PPARGC1A: variants seen among roughly 807,000 people sequenced by gnomAD.
PPARGC1A encodes peroxisome proliferator-activated receptor gamma coactivator 1-alpha.
In PPARGC1A, 25 loss-of-function variants were observed where a neutral mutation model predicts 88.7. The ratio of observed to expected loss-of-function variants is 0.28; its 90% CI spans 0.21 to 0.39. The LOEUF (loss-of-function observed/expected upper bound fraction) is 0.39, where lower values mean the gene tolerates loss of function less well. Among genes scored for constraint, PPARGC1A ranks in the 10% least tolerant of loss-of-function variants. The probability of loss-of-function intolerance (pLI) is 1.00; values close to 1 mark genes in which losing one functional copy is unlikely to be tolerated. For missense variants in PPARGC1A, 880 were observed against 968.7 expected, an observed-to-expected ratio of 0.91 and a Z score of 1.22; for synonymous variants, 363 against 355.6, an observed-to-expected ratio of 1.02 and a Z score of -0.24.
chr4:24,099,180 T>C, the PPARGC1A span, among the ~76,000 whole-genome samples: 1 of 148,512 alleles, frequency 6.7e-6, no homozygotes, highest in Non-Finnish European at 1.5e-5. Flanking sequence ...AACTAATGAG[T>C]AGAGTGGGAA....
At chr4:24,406,239 A>G in the PPARGC1A span, among the ~76,000 whole-genome samples, 11 of 152,328 alleles carry the variant, frequency 7.2e-5, no homozygotes, top group East Asian at 1.4e-3. Context: ...TGGACACTGC[A>G]TGTGGCAGCC....
chr4:24,247,261 G>A, the PPARGC1A span, among the ~76,000 whole-genome samples: 2 of 152,054 alleles, frequency 1.3e-5, no homozygotes. Flanking sequence ...CTACAAAAGG[G>A]GAAATTGAGT....
At chr4:24,406,140 A>C in the PPARGC1A span, among the ~76,000 whole-genome samples, 42 of 152,344 alleles carry the variant, frequency 2.8e-4, no homozygotes, top group Non-Finnish European at 4.7e-4. Context: ...GCAGTGCTGC[A>C]CGTAAAATGT....
At chr4:23,954,260 T>C in the PPARGC1A span, among the ~76,000 whole-genome samples, 1 of 152,106 alleles carries the variant, frequency 6.6e-6, no homozygotes, top group Admixed American at 6.6e-5. Flanking sequence ...TCTAGCAGTT[T>C]AGTAATGCTA....
At chr4:24,439,664 A>G in the PPARGC1A span, among the ~76,000 whole-genome samples, 1 of 152,244 alleles carries the variant, frequency 6.6e-6, no homozygotes, top group Non-Finnish European at 1.5e-5. Context: ...ATTCCAAGAC[A>G]GCATTAGAAA....
At chr4:23,978,441 C>T in the PPARGC1A span, among the ~76,000 whole-genome samples, 3 of 152,256 alleles carry the variant, frequency 2.0e-5, no homozygotes, top group South Asian at 2.1e-4. Flanking sequence ...GGTGGTTTGG[C>T]AATTAAGGCG....
the PPARGC1A span, among the ~76,000 whole-genome samples, chr4:24,078,549 G>T: frequency 2.4e-3 from 365 of 152,128 alleles, 1 homozygote; most frequent in African/African-American, 8.4e-3. Context: ...TTGGTCCAGT[G>T]GGGGAAGGGA....
intron 2 of PPARGC1A, among the ~76,000 whole-genome samples, chr4:23,843,215 T>C (rs1727373894): frequency 6.6e-6 from 1 of 152,124 alleles, no homozygotes; most frequent in Non-Finnish European, 1.5e-5. Context: ...AAGGATTTTC[T>C]TCTATATATT....
At position 23,889,973 on chromosome 4, in the gene PPARGC1A, C is replaced by T; in HGVS notation, c.-16G>A. ...CCCACGCCATCCAGCTCCTGAATGA[C>T]GCCAGTCAAGCTTTTTCAACTCCAA... On this transcript the variant is annotated 5_prime_UTR_variant, in exon 1 of 13. Transcript: ENST00000264867. 1.2e-6 allele frequency: 2 copies of T among 1,613,574 alleles called. No individual in the cohort carries two copies. Among genetic ancestry groups the T allele is most frequent in the South Asian group, 2.2e-5 (2 of 91,040 alleles).
the PPARGC1A span, among the ~76,000 whole-genome samples, chr4:24,161,739 G>A: frequency 6.6e-6 from 1 of 152,150 alleles, no homozygotes; most frequent in Non-Finnish European, 1.5e-5. Flanking sequence ...CAGCAGGAAG[G>A]GGGTTGGCAG....
the PPARGC1A span, among the ~76,000 whole-genome samples, chr4:24,027,820 A>G: frequency 6.6e-6 from 1 of 152,194 alleles, no homozygotes; most frequent in Non-Finnish European, 1.5e-5. Context: ...ATTTTCTCCT[A>G]CAGGGAGTAG....
At chr4:24,125,898 C>T in the PPARGC1A span, among the ~76,000 whole-genome samples, 13 of 152,204 alleles carry the variant, frequency 8.5e-5, no homozygotes, top group Non-Finnish European at 1.9e-4. Context: ...TAAGTAAACA[C>T]CTTTCCTTGC....
chr4:23,948,923 T>A, the PPARGC1A span, among the ~76,000 whole-genome samples: 1 of 151,886 alleles, frequency 6.6e-6, no homozygotes, highest in Non-Finnish European at 1.5e-5. Flanking sequence ...CCTCAAATTA[T>A]CAGACTCTGA....
At chr4:24,067,941 C>A in the PPARGC1A span, among the ~76,000 whole-genome samples, 1 of 152,298 alleles carries the variant, frequency 6.6e-6, no homozygotes, top group East Asian at 1.9e-4. Context: ...GTGACTCATT[C>A]CCCCAGAGGG....
At chr4:24,254,330 C>T in the PPARGC1A span, among the ~76,000 whole-genome samples, 3 of 152,122 alleles carry the variant, frequency 2.0e-5, no homozygotes, top group African/African-American at 7.2e-5. Flanking sequence ...GAGGCCACAC[C>T]AGGTTTGAAC....
chr4:23,816,898 T>C (rs1351780910), intron 7 of PPARGC1A, among the ~76,000 whole-genome samples: 1 of 152,206 alleles, frequency 6.6e-6, no homozygotes, highest in Non-Finnish European at 1.5e-5. Flanking sequence ...GGCACATTTG[T>C]TGCATTATTA....
intron 1 of PPARGC1A, among the ~76,000 whole-genome samples, chr4:23,895,374 T>C (rs896338173): frequency 2.0e-5 from 3 of 151,858 alleles, no homozygotes; most frequent in East Asian, 1.9e-4. Context: ...GGAAAGATTT[T>C]TGGTTATTTG....
chr4:24,107,154 A>T, the PPARGC1A span, among the ~76,000 whole-genome samples: 3 of 152,250 alleles, frequency 2.0e-5, no homozygotes, highest in East Asian at 5.8e-4. Flanking sequence ...AGGAAATTGG[A>T]TAATAAAAGC....
the PPARGC1A span, among the ~76,000 whole-genome samples, chr4:23,928,613 G>A: frequency 6.6e-6 from 1 of 151,814 alleles, no homozygotes; most frequent in African/African-American, 2.4e-5. Context: ...ATGCCTAAAG[G>A]AATATAAATC....
Sources: gnomAD v4.1 joint callset for allele counts (sites outside exome capture counted in the v4.1 genomes callset) on GRCh38, gnomAD v4.1.1 for gene constraint, MANE v1.5 for transcripts, NCBI Gene and HGNC (gene_info 2026-07-23, HGNC 2026-07-21) for gene names.